The following SHD variants were observed in gnomAD, a reference collection of about 807,000 sequenced individuals.
SHD encodes the protein SH2 domain-containing adapter protein D.
A neutral mutation model predicts 31.2 loss-of-function variants in SHD; 29 were observed. The observed-to-expected ratio is 0.93, with a 90% CI of 0.69 to 1.27. The LOEUF is 1.27. Among genes scored for constraint, SHD ranks in the 50% most tolerant of loss-of-function variants. SHD has a pLI of 0.00. For missense variants in SHD, 520 were observed against 453.8 expected (o/e 1.15, Z -1.33); for synonymous variants, 208 against 187.8 (o/e 1.11, Z -0.88).
chr19:4,288,726 T>C (rs1248569937), intron 5 of SHD, among the ~76,000 whole-genome samples: 2 of 152,168 alleles, frequency 1.3e-5, no homozygotes, highest in African/African-American at 4.8e-5. Flanking sequence ...GGTGTACCTG[T>C]AAGCGTTTTA....
Position 4,290,604 on chromosome 19 carries a change from C to T in SHD, c.994C>T (p.Leu332=). The change falls in exon 6 of 6, where the codon CTG becomes TTG. Residue 332 remains leucine (L), a synonymous_variant. Transcript: ENST00000543264. The stretch of plus-strand genomic sequence containing the variant: ...GCAGGGTGCCGAGCATCTGGCTCTG[C>T]TGTACCCCGTGGTCACGCAGACCCC... The part of the protein sequence containing the change: ...PVQGAEHLAL[L]YPVVTQTP 1 of 1,612,174 alleles carries T rather than the reference C, an allele frequency of 6.2e-7. No individual in the cohort carries two copies. The highest frequency in any genetic ancestry group is 1.1e-5 in the South Asian group (1 of 90,924).
intron 1 of SHD, among the ~76,000 whole-genome samples, chr19:4,282,351 C>T (rs960389705): frequency 7.4e-5 from 11 of 149,366 alleles, no homozygotes; most frequent in South Asian, 2.1e-4. Context: ...TCCCGGGAGT[C>T]GGAGGTTGCA....
intron 4 of SHD, among the ~76,000 whole-genome samples, chr19:4,285,889 CTTTTTTTTT>C (rs56142317): frequency 3.4e-5 from 3 of 87,354 alleles, no homozygotes; most frequent in African/African-American, 1.0e-4. Context: ...CTTTTCCTTT[CTTTTTTTTT>C]TTTTTTTTTT....
At chr19:4,286,226 C>CT (rs34055445) in intron 4 of SHD, among the ~76,000 whole-genome samples, 11 of 115,016 alleles carry the variant, frequency 9.6e-5, no homozygotes, top group African/African-American at 4.3e-4. Flanking sequence ...TTCTTTCTTT[C>CT]TTTCTTTTCT....
chr19:4,286,775 G>A (rs1363332501), intron 4 of SHD, among the ~76,000 whole-genome samples: 1 of 152,058 alleles, frequency 6.6e-6, no homozygotes, highest in African/African-American at 2.4e-5. Context: ...AGCTACTCGG[G>A]AGGCTGAGGC....
intron 1 of SHD, among the ~76,000 whole-genome samples, chr19:4,280,892 T>C (rs1971250633): frequency 6.6e-6 from 1 of 151,910 alleles, no homozygotes; most frequent in South Asian, 2.1e-4. Context: ...CCCTGCTTGG[T>C]CTCCGGGTCC....
In SHD at chr19:4,283,087, C is replaced by G; in HGVS notation, c.437C>G (p.Thr146Ser). The change falls in exon 3 of 6, where the codon ACC becomes AGC. Residue 146 changes from threonine to serine, a missense_variant. Coordinates refer to ENST00000543264, the MANE Select transcript of SHD (RefSeq NM_020209.4). Reference protein sequence around the residue: ...LPGRGVQLYDTPYEEQDPETA... With the variant: ...LPGRGVQLYDSPYEEQDPETA... ...GGCAGAGGGGTGCAGCTCTATGACA[C>G]CCCTTATGAGGAACAGGACCCAGAG... 6.2e-7 allele frequency: 1 copy of G among 1,614,058 alleles called. No homozygotes were observed. The highest frequency in any genetic ancestry group is 8.5e-7 in the Non-Finnish European group (1 of 1,179,986).
At chr19:4,284,674 GTC>G in intron 3 of SHD, 105 bp from the exon 4 acceptor site, 1 of 1,324,142 alleles carries the variant, frequency 7.6e-7, no homozygotes, top group Admixed American at 2.7e-5. Context: ...GTGATAGGTT[GTC>G]CCAAGCTGGC....
intron 1 of SHD, 129 bp downstream of exon 1, chr19:4,280,489 T>G: frequency 1.0e-6 from 1 of 1,003,694 alleles, no homozygotes; most frequent in Non-Finnish European, 1.4e-6. Flanking sequence ...CCCTTCCCAG[T>G]CCTCCAGACC....
chr19:4,286,223 TTTCTTTCTTTTCTTTCTTTC>T (rs1235340209), intron 4 of SHD, among the ~76,000 whole-genome samples: 2 of 105,786 alleles, frequency 1.9e-5, no homozygotes, highest in African/African-American at 8.3e-5. Flanking sequence ...TCTTTCTTTC[TTTCTTTCTTTTCTTTCTTTC>T]TTTCTTTCTT....
At chr19:4,282,548 A>C (rs1052626670) in intron 1 of SHD, among the ~76,000 whole-genome samples, 1 of 151,698 alleles carries the variant, frequency 6.6e-6, no homozygotes, top group Admixed American at 6.6e-5. Flanking sequence ...ACACGGTGAA[A>C]CCCCATCTCT....
chr19:4,286,231 T>C (rs199680835), intron 4 of SHD, among the ~76,000 whole-genome samples: 904 of 49,804 alleles, frequency 0.018, 14 homozygotes, highest in African/African-American at 0.061. Context: ...TCTTTCTTTC[T>C]TTTCTTTCTT....
chr19:4,280,054 A>T lies in SHD; in HGVS notation c.-10A>T. 1 of 1,588,460 alleles carries T rather than the reference A, an allele frequency of 6.3e-7. No homozygotes were observed. The highest frequency in any genetic ancestry group is 8.6e-7 in the Non-Finnish European group (1 of 1,168,598). ...CTGACAGTGGCCCGATTGGGGTGACAGGCGCCCAAATGGCCAAGTGGCTAC... is the reference window on the plus strand; with the variant it reads ...CTGACAGTGGCCCGATTGGGGTGACTGGCGCCCAAATGGCCAAGTGGCTAC... On this transcript the variant is annotated 5_prime_UTR_variant, in exon 1 of 6. Coordinates refer to ENST00000543264, the MANE Select transcript of SHD (RefSeq NM_020209.4).
At position 4,279,713 on chromosome 19, in the gene SHD, G is replaced by C. The variant is rs1239100126; in HGVS notation, c.-351G>C. The stretch of plus-strand genomic sequence containing the variant: ...GGCGGCCGTGTCGCTCCAGGGAACC[G>C]CGCTGCCCGCGGAAACTCCGCGCGC... On this transcript the variant is annotated 5_prime_UTR_variant, in exon 1 of 6. Transcript: ENST00000543264. The surrounding 1 kb of genome is among the most constrained non-coding windows in gnomAD (Gnocchi z 7.5). 1 of 221,086 alleles carries C rather than the reference G, an allele frequency of 4.5e-6. No individual in the cohort carries two copies. The highest frequency in any genetic ancestry group is 2.3e-5 in the African/African-American group (1 of 43,788). The allele number at this position is 221,086 out of a possible 1,614,324, so 13.7% of individuals were successfully genotyped here. A position where few individuals can be genotyped will look rare whatever the true frequency, so the allele number is the denominator to read the frequency against.
Position 4,280,193 on chromosome 19 carries a change from G to T in SHD, c.130G>T (p.Asp44Tyr). Reference sequence around the variant, plus strand: ...CGCGCAGAAGAACCTGGACTTCGAGGACCCCTATGAGGACGCGGAGAGCCG... The same window carrying T: ...CGCGCAGAAGAACCTGGACTTCGAGTACCCCTATGAGGACGCGGAGAGCCG... ...YRAQKNLDFE[D>Y]PYEDAESRLE... Residue 44 changes from aspartate to tyrosine, a missense_variant, in exon 1 of 6, where the codon GAC becomes TAC. Coordinates refer to ENST00000543264, the MANE Select transcript of SHD (RefSeq NM_020209.4). The T allele has an allele frequency of 3.1e-6, 5 of 1,613,884 alleles. No homozygotes were observed. The highest frequency in any genetic ancestry group is 4.2e-6 in the Non-Finnish European group (5 of 1,179,996).
rs56171246 is a variant in SHD at position 4,281,448 on chromosome 19, CAAAAAAAAAAA to C, written c.297+1105_297+1115del. Among the ~76,000 whole-genome samples the C allele has an allele frequency of 1.4e-4, 7 of 49,672 alleles. No homozygotes were observed. The Admixed American group carries it at 1.4e-3, about 10-fold the overall frequency. 32.6% of individuals were successfully genotyped at this position (49,672 alleles called of 152,430 possible). On this transcript the variant is annotated intron_variant, in intron 1 of 5. Transcript: ENST00000543264. ...TGGGTGACAGAGCAACACCCTGTCTCAAAAAAAAAAAAAAAAAAAAAAAAAAAGGCTGGGTG... is the reference window on the plus strand; with the variant it reads ...TGGGTGACAGAGCAACACCCTGTCTCAAAAAAAAAAAAAAAAGGCTGGGTG...
chr19:4,282,830 C>G lies in SHD; in HGVS notation c.298-40C>G, dbSNP rs201645332. ...TGCAGCGTCAATTAGCAGGGAAGCC[C>G]CTCTGAGTCCTTGTCTTCTCCCCTT... On this transcript the variant is annotated intron_variant, in intron 1 of 5. Transcript: ENST00000543264. The G allele has an allele frequency of 2.4e-4, 376 of 1,590,210 alleles. No individual in the cohort carries two copies. In the African/African-American group the frequency reaches 4.8e-3, roughly 20 times the overall value.
At position 4,287,189 on chromosome 19, in the gene SHD, G is replaced by A. The variant is rs545395853; in HGVS notation, c.717-1054G>A. Among the ~76,000 whole-genome samples the A allele has an allele frequency of 5.3e-5, 8 of 151,980 alleles. 1 individual carries two copies. In the South Asian group the frequency reaches 1.7e-3, roughly 32 times the overall value. Reference sequence around the variant, plus strand: ...TTACGAAAAATGCAAAAAATTAGCTGGGCGTGGTGGCGGGTGCCTGTAGTC... The same window carrying A: ...TTACGAAAAATGCAAAAAATTAGCTAGGCGTGGTGGCGGGTGCCTGTAGTC... On this transcript the variant is annotated intron_variant, in intron 4 of 5. Transcript: ENST00000543264.
chr19:4,288,412 A>T, intron 5 of SHD, 50 bp downstream of exon 5: 1 of 1,565,982 alleles, frequency 6.4e-7, no homozygotes, highest in Non-Finnish European at 8.7e-7. Flanking sequence ...TGCGTGAGTC[A>T]CCCTTTTGGG....
Sources: allele counts gnomAD v4.1 joint callset (sites outside exome capture counted in the v4.1 genomes callset), GRCh38; gene constraint gnomAD v4.1.1; non-coding constraint Gnocchi (gnomAD v3.1); transcripts MANE v1.5; gene names NCBI Gene and HGNC (gene_info 2026-07-23, HGNC 2026-07-21).